Variants in PTPRD observed in about 807,000 individuals in gnomAD.
PTPRD encodes receptor-type tyrosine-protein phosphatase delta.
A neutral mutation model predicts 214.5 loss-of-function variants in PTPRD; 34 were observed. That is an observed-to-expected ratio of 0.16 (90% CI 0.12 to 0.21). PTPRD has a LOEUF of 0.21. Ranked by LOEUF, PTPRD falls within the 10% of genes least tolerant of loss-of-function variation. PTPRD has a pLI of 1.00. For missense variants in PTPRD, 2,545 were observed against 2,398.7 expected (o/e 1.06, Z -1.27); for synonymous variants, 1,128 against 845.7 (o/e 1.33, Z -5.79).
intron 8 of PTPRD, among the ~76,000 whole-genome samples, chr9:9,432,047 T>TATAATA (rs373767588): frequency 5.3e-4 from 73 of 138,416 alleles, no homozygotes; most frequent in East Asian, 1.5e-3. Flanking sequence ...GAACTTAAAG[T>TATAATA]ATAATAATAA....
At chr9:8,811,493 G>C (rs890944565) in intron 11 of PTPRD, among the ~76,000 whole-genome samples, 5 of 152,154 alleles carry the variant, frequency 3.3e-5, no homozygotes, top group African/African-American at 1.2e-4. Flanking sequence ...TTTTAACAAA[G>C]CTCTGTTAGC....
intron 11 of PTPRD, chr9:8,858,269 C>T (rs369404378): frequency 1.6e-3 from 250 of 153,704 alleles, no homozygotes; most frequent in Middle Eastern, 3.3e-3. Flanking sequence ...CGGCTGCCCC[C>T]CTCGGTGCCT....
intron 8 of PTPRD, among the ~76,000 whole-genome samples, chr9:9,527,599 T>G (rs949688254): frequency 1.3e-5 from 2 of 152,350 alleles, no homozygotes; most frequent in African/African-American, 4.8e-5. Flanking sequence ...TTTCAGTTTT[T>G]GTCCAGCATG....
intron 2 of PTPRD, among the ~76,000 whole-genome samples, chr9:10,455,345 A>G (rs182037367): frequency 7.2e-5 from 11 of 151,780 alleles, no homozygotes; most frequent in Admixed American, 3.3e-4. Flanking sequence ...TTCCATCTCT[A>G]ATTTCAGTGT....
intron 3 of PTPRD, among the ~76,000 whole-genome samples, chr9:10,162,640 CAT>C (rs1182233137): frequency 6.8e-6 from 1 of 146,646 alleles, no homozygotes; most frequent in Non-Finnish European, 1.5e-5. Flanking sequence ...TGTATATAAA[CAT>C]ATATATACAC....
At chr9:10,431,449 C>T (rs2098677611) in intron 2 of PTPRD, among the ~76,000 whole-genome samples, 1 of 152,016 alleles carries the variant, frequency 6.6e-6, no homozygotes, top group African/African-American at 2.4e-5. Context: ...TCTAATGAAA[C>T]TAAAGAGCTT....
intron 9 of PTPRD, among the ~76,000 whole-genome samples, chr9:9,242,144 C>A (rs2099970670): frequency 1.3e-5 from 2 of 152,126 alleles, no homozygotes; most frequent in South Asian, 4.1e-4. Context: ...GTTGAAAATT[C>A]TTTCCTTTAA....
intron 8 of PTPRD, among the ~76,000 whole-genome samples, chr9:9,547,948 TTC>T (rs1491078438): frequency 6.6e-6 from 1 of 152,052 alleles, no homozygotes; most frequent in African/African-American, 2.4e-5. Context: ...TAGGAATTTT[TTC>T]TGACTTTTCT....
intron 5 of PTPRD, among the ~76,000 whole-genome samples, chr9:9,804,707 C>A (rs1340996039): frequency 1.3e-5 from 2 of 151,898 alleles, no homozygotes; most frequent in Non-Finnish European, 1.5e-5. Flanking sequence ...AGACTTTGAG[C>A]TAATAAAAAG....
chr9:9,913,503 A>T (rs2153832740), intron 5 of PTPRD, among the ~76,000 whole-genome samples: 1 of 152,292 alleles, frequency 6.6e-6, no homozygotes, highest in South Asian at 2.1e-4. Flanking sequence ...TAAACAGCTA[A>T]GATTGGACTG....
At chr9:8,624,502 G>C (rs1044424284) in intron 14 of PTPRD, among the ~76,000 whole-genome samples, 2 of 151,808 alleles carry the variant, frequency 1.3e-5, no homozygotes, top group African/African-American at 4.8e-5. Context: ...AGATGCTGGG[G>C]ATTCAGTAGT....
chr9:8,977,971 A>G (rs2099277893), intron 11 of PTPRD, among the ~76,000 whole-genome samples: 1 of 152,132 alleles, frequency 6.6e-6, no homozygotes, highest in Non-Finnish European at 1.5e-5. Context: ...TGTCTTTTAC[A>G]TGCATAAATG....
intron 35 of PTPRD, among the ~76,000 whole-genome samples, chr9:8,410,889 A>G (rs1349198488): frequency 6.6e-6 from 1 of 152,190 alleles, no homozygotes; most frequent in Non-Finnish European, 1.5e-5. Flanking sequence ...CTATGCTCAT[A>G]GTAAATCATT....
At chr9:9,206,656 G>A (rs2099945046) in intron 9 of PTPRD, among the ~76,000 whole-genome samples, 1 of 152,216 alleles carries the variant, frequency 6.6e-6, no homozygotes, top group Non-Finnish European at 1.5e-5. Flanking sequence ...CAGACTTGCT[G>A]AGTCTTCCTG....
chr9:10,065,442 G>T (rs989825145), intron 3 of PTPRD, among the ~76,000 whole-genome samples: 7 of 151,710 alleles, frequency 4.6e-5, no homozygotes, highest in Non-Finnish European at 7.4e-5. Flanking sequence ...AACTCCATTA[G>T]GCTTTTTTTT....
intron 12 of PTPRD, among the ~76,000 whole-genome samples, chr9:8,653,085 G>C (rs1301561420): frequency 6.6e-6 from 1 of 152,006 alleles, no homozygotes; most frequent in Non-Finnish European, 1.5e-5. Flanking sequence ...GAAGTTTTTT[G>C]GTAACCTAGA....
At chr9:10,254,450 C>T (rs1238583747) in intron 3 of PTPRD, among the ~76,000 whole-genome samples, 1 of 151,008 alleles carries the variant, frequency 6.6e-6, no homozygotes, top group Admixed American at 6.6e-5. Flanking sequence ...AAGACTTTAT[C>T]TATTTTTTCT....
At chr9:9,870,137 A>G (rs2065048238) in intron 5 of PTPRD, among the ~76,000 whole-genome samples, 1 of 152,028 alleles carries the variant, frequency 6.6e-6, no homozygotes, top group African/African-American at 2.4e-5. Context: ...AATCTCTAAG[A>G]TTGGTAAAAA....
intron 12 of PTPRD, among the ~76,000 whole-genome samples, chr9:8,679,815 G>C (rs1335915421): frequency 1.3e-5 from 2 of 152,088 alleles, no homozygotes; most frequent in Admixed American, 1.3e-4. Flanking sequence ...TACTTCTTTG[G>C]ATAGCTTATG....
Sources: gnomAD v4.1 joint callset for allele counts (sites outside exome capture counted in the v4.1 genomes callset) on GRCh38, gnomAD v4.1.1 for gene constraint, MANE v1.5 for transcripts, NCBI Gene and HGNC (gene_info 2026-07-23, HGNC 2026-07-21) for gene names.